ANLN: variants seen among roughly 807,000 people sequenced by gnomAD.
ANLN encodes anillin.
Under a neutral mutation model 135.1 loss-of-function variants are expected in ANLN, and 59 were observed. The ratio of observed to expected loss-of-function variants is 0.44; its 90% CI spans 0.35 to 0.54. ANLN has a LOEUF of 0.54. ANLN is among the 20% of genes least tolerant of loss of function. The pLI is 0.00. For synonymous variants in ANLN, 406 were observed against 456.4 expected (o/e 0.89, Z 1.41); for missense variants, 1,182 against 1,340.0 (o/e 0.88, Z 1.84).
chr7:36,446,993 G>A (rs10275489), intron 22 of ANLN, among the ~76,000 whole-genome samples: 35,387 of 151,962 alleles, frequency 0.23, 4,247 homozygotes, highest in East Asian at 0.41. Flanking sequence ...TAGTGGACGC[G>A]TTCCAAGACC....
chr7:36,403,470 A>G (rs1043443965), intron 3 of ANLN: 1 of 152,216 alleles, frequency 6.6e-6, no homozygotes, highest in Admixed American at 6.5e-5. Context: ...GGAGTGATAT[A>G]TTTTAGAGAT....
intron 10 of ANLN, among the ~76,000 whole-genome samples, chr7:36,419,936 G>A (rs371084523): frequency 7.9e-5 from 12 of 152,228 alleles, no homozygotes; most frequent in African/African-American, 2.9e-4. Flanking sequence ...AATAACTGCA[G>A]CTCTGGGGAT....
Position 36,413,247 on chromosome 7 carries a change from C to T in ANLN, c.1395+2081C>T, listed in dbSNP as rs180923964. Among the ~76,000 whole-genome samples the T allele has an allele frequency of 4.9e-4, 74 of 152,238 alleles. No individual in the cohort carries two copies. The East Asian group carries it at 0.014, about 28-fold the overall frequency. ...TTTCTTTGCCTCCATGTCATGCAGA[C>T]TCTTCTACAAGTTATTCCTACTTGC... On this transcript the variant is annotated intron_variant, in intron 7 of 23. Transcript: ENST00000265748.
At chr7:36,433,668 T>C (rs1189231462) in intron 20 of ANLN, among the ~76,000 whole-genome samples, 1 of 152,180 alleles carries the variant, frequency 6.6e-6, no homozygotes, top group African/African-American at 2.4e-5. Flanking sequence ...TGTAGACTAT[T>C]GACTATTTTT....
At chr7:36,400,141 T>C (rs2116532532) in intron 3 of ANLN, among the ~76,000 whole-genome samples, 1 of 152,324 alleles carries the variant, frequency 6.6e-6, no homozygotes, top group South Asian at 2.1e-4. Context: ...TTCCTTTTGC[T>C]AGAGGCCTAT....
rs1383371305 is a variant in ANLN, at chr7:36,420,073, T to C, written c.1870-96T>C. ...GATGAATCAATCAGCTTACTGGATT[T>C]TTTTCTTAATATTAATGGAGAATTC... On this transcript the variant is annotated intron_variant, in intron 10 of 23. Transcript: ENST00000265748. The C allele has an allele frequency of 4.8e-6, 6 of 1,256,442 alleles. No homozygotes were observed. The African/African-American group carries it at 9.1e-5, about 19-fold the overall frequency. 77.8% of individuals were successfully genotyped at this position (1,256,442 alleles called of 1,614,324 possible).
chr7:36,431,597 G>GTGTGTATATA lies in ANLN; in HGVS notation c.2883+4570_2883+4571insGTGTATATAT, dbSNP rs1306528982. 9.1e-3 allele frequency among the ~76,000 whole-genome samples: 250 copies of GTGTGTATATA among 27,380 alleles called. 2 individuals carry two copies. The highest frequency in any genetic ancestry group is 0.02 in the African/African-American group (242 of 11,922). The allele number at this position is 27,380 out of a possible 152,430, so 18.0% of individuals were successfully genotyped here. A position where few individuals can be genotyped will look rare whatever the true frequency, so the allele number is the denominator to read the frequency against. ...TGTGTGTGTGTGTGTGTGTGTGTGT[G>GTGTGTATATA]TATATATATATATATATATAATATA... On this transcript the variant is annotated intron_variant, in intron 20 of 23. Coordinates refer to ENST00000265748, the MANE Select transcript of ANLN (RefSeq NM_018685.5).
Position 36,407,805 on chromosome 7 carries a change from G to A in ANLN, c.945G>A (p.Glu315=), listed in dbSNP as rs1787252552. The change falls in exon 5 of 24, where the codon GAG becomes GAA. Residue 315 remains glutamate (E), a synonymous_variant. Transcript: ENST00000265748. The stretch of plus-strand genomic sequence containing the variant: ...AAAGTTGTGAGGGACAAAATCCTGA[G>A]CTACTTCCAAAAACTCCTATTAGTC... ...DAKSCEGQNP[E]LLPKTPISPL... 4.3e-6 allele frequency: 7 copies of A among 1,613,792 alleles called. No individual in the cohort carries two copies. The highest frequency in any genetic ancestry group is 5.9e-6 in the Non-Finnish European group (7 of 1,179,808).
chr7:36,433,103 C>T (rs1377112395), intron 20 of ANLN, among the ~76,000 whole-genome samples: 2 of 152,212 alleles, frequency 1.3e-5, no homozygotes, highest in Non-Finnish European at 2.9e-5. Context: ...TTGTGAACTA[C>T]TGTGCCCAGC....
intron 1 of ANLN, among the ~76,000 whole-genome samples, chr7:36,395,245 C>A (rs974934169): frequency 6.6e-6 from 1 of 152,164 alleles, no homozygotes; most frequent in African/African-American, 2.4e-5. Context: ...GTGTTAAAAT[C>A]AACATGTCAG....
At position 36,409,054 on chromosome 7, in the gene ANLN, A is replaced by G. The variant is rs544974948; in HGVS notation, c.1096+1098A>G. Among the ~76,000 whole-genome samples, 6 of 152,352 alleles carry G rather than the reference A, an allele frequency of 3.9e-5. No individual in the cohort carries two copies. The East Asian group carries it at 1.2e-3, about 29-fold the overall frequency. ...GTGGGGAAGCGGTTATGGGGTAGGT[A>G]GAAATCTGCAATTTCCAGTTGAGCC... On this transcript the variant is annotated intron_variant, in intron 5 of 23. Coordinates refer to ENST00000265748, the MANE Select transcript of ANLN (RefSeq NM_018685.5).
intron 12 of ANLN, 93 bp from the exon 13 acceptor site, chr7:36,421,764 A>C (rs1787885543): frequency 8.2e-7 from 1 of 1,214,846 alleles, no homozygotes; most frequent in South Asian, 1.8e-5. Context: ...AAATTCTAGA[A>C]ACTATCCAAT....
chr7:36,425,715 A>T lies in ANLN; in HGVS notation c.2723A>T (p.Lys908Met). 1 of 1,611,666 alleles carries T rather than the reference A, an allele frequency of 6.2e-7. No homozygotes were observed. Among genetic ancestry groups the T allele is most frequent in the Non-Finnish European group, 8.5e-7 (1 of 1,178,222 alleles). The stretch of plus-strand genomic sequence containing the variant: ...CTTTTCTTTTAGGCTATTACTCCAA[A>T]GCGACTCCTCACATCTATAACCACA... ...KTSKSKAITP[K>M]RLLTSITTKS... The change falls in exon 18 of 24, where the codon AAG becomes ATG. Residue 908 changes from lysine to methionine, a missense_variant. Physicochemically the swap from Lys to Met is moderately conservative, Grantham distance 95 (BLOSUM62 -1). Transcript: ENST00000265748.
intron 17 of ANLN, among the ~76,000 whole-genome samples, chr7:36,425,230 T>C (rs543356749): frequency 1.1e-3 from 163 of 152,094 alleles, no homozygotes; most frequent in Non-Finnish European, 1.7e-3. Context: ...TGTAATGTTT[T>C]CATATTTAAG....
Position 36,400,466 on chromosome 7 carries a change from T to C in ANLN, c.487+1073T>C, listed in dbSNP as rs142984742. 3.3e-3 allele frequency among the ~76,000 whole-genome samples: 496 copies of C among 152,258 alleles called. 6 individuals carry two copies. The highest frequency in any genetic ancestry group is 0.012 in the African/African-American group (490 of 41,546). Reference sequence around the variant, plus strand: ...CTTCCGCCTCTCAGGTTCAAGCGATTCTCATGCCTCAGCCTCCCAAGTAGC... The same window carrying C: ...CTTCCGCCTCTCAGGTTCAAGCGATCCTCATGCCTCAGCCTCCCAAGTAGC... On this transcript the variant is annotated intron_variant, in intron 3 of 23. Coordinates refer to ENST00000265748, the MANE Select transcript of ANLN (RefSeq NM_018685.5).
At chr7:36,409,050 AG>A (rs1787304297) in intron 5 of ANLN, among the ~76,000 whole-genome samples, 1 of 152,200 alleles carries the variant, frequency 6.6e-6, no homozygotes, top group Admixed American at 6.5e-5. Context: ...GTTATGGGGT[AG>A]GTAGAAATCT....
chr7:36,441,668 G>C (rs547379662), intron 21 of ANLN, among the ~76,000 whole-genome samples: 2 of 152,234 alleles, frequency 1.3e-5, no homozygotes, highest in Admixed American at 1.3e-4. Flanking sequence ...TTGGCCCTCT[G>C]TTTCCTCAGC....
rs376061233 is a variant in ANLN at position 36,443,019 on chromosome 7, G to C, written c.2971-736G>C. ...TATGACTATAACTAAAAAATAGTGG[G>C]GGAAAAACTCTTAGCTTCTACTTAC... On this transcript the variant is annotated intron_variant, in intron 21 of 23. Coordinates refer to ENST00000265748, the MANE Select transcript of ANLN (RefSeq NM_018685.5). Among the ~76,000 whole-genome samples the C allele has an allele frequency of 5.3e-4, 81 of 152,134 alleles. 2 individuals are homozygous for C. The South Asian group carries it at 0.016, about 31-fold the overall frequency.
intron 3 of ANLN, among the ~76,000 whole-genome samples, chr7:36,400,283 G>A (rs1348210756): frequency 6.6e-6 from 1 of 152,202 alleles, no homozygotes; most frequent in Non-Finnish European, 1.5e-5. Flanking sequence ...ATATGACTTT[G>A]TGGGAGCCGA....
Sources: gnomAD v4.1 joint callset for allele counts (sites outside exome capture counted in the v4.1 genomes callset) on GRCh38, gnomAD v4.1.1 for gene constraint, MANE v1.5 for transcripts, NCBI Gene and HGNC (gene_info 2026-07-23, HGNC 2026-07-21) for gene names.